Variants in MOB3A observed in about 807,000 individuals in gnomAD.
MOB3A encodes the protein MOB kinase activator 3A, also known as MOB LAK.
Under a neutral mutation model 17.8 loss-of-function variants are expected in MOB3A, and 17 were observed. The observed-to-expected ratio is 0.95, with a 90% CI of 0.65 to 1.43. The LOEUF is 1.43. Ranked by LOEUF, MOB3A falls within the 40% of genes most tolerant of loss-of-function variation. The pLI is 0.00. For missense variants in MOB3A, 333 were observed against 310.8 expected, an observed-to-expected ratio of 1.07 and a Z score of -0.54; for synonymous variants, 124 against 133.2, an observed-to-expected ratio of 0.93 and a Z score of 0.48.
At chr19:2,092,072 G>A (rs2017619738) in intron 1 of MOB3A, among the ~76,000 whole-genome samples, 1 of 148,618 alleles carries the variant, frequency 6.7e-6, no homozygotes, top group Admixed American at 6.7e-5. Context: ...TATTGTGTCT[G>A]GAAGGAAAGG....
chr19:2,081,338 G>A lies in MOB3A; in HGVS notation c.-119-2659C>T, dbSNP rs528200388. 2.1e-3 allele frequency among the ~76,000 whole-genome samples: 322 copies of A among 150,858 alleles called. 1 individual carries two copies. Among genetic ancestry groups the A allele is most frequent in the Non-Finnish European group, 3.2e-3 (216 of 67,640 alleles). ...CGTGGTGGCTCACGCCTGTAATCCC[G>A]GCACTTTGGGAGGCCGAGGCGGGTG... is the stretch of plus-strand genomic sequence containing the variant. On this transcript the variant is annotated intron_variant, in intron 2 of 4. Transcript: ENST00000357066.
At chr19:2,092,397 G>A (rs974235009) in intron 1 of MOB3A, among the ~76,000 whole-genome samples, 4 of 152,138 alleles carry the variant, frequency 2.6e-5, no homozygotes, top group African/African-American at 7.2e-5. Flanking sequence ...CATAGCGCCC[G>A]ACCCTCTGTG....
chr19:2,081,623 C>T (rs1425935195), intron 2 of MOB3A, among the ~76,000 whole-genome samples: 2 of 151,952 alleles, frequency 1.3e-5, no homozygotes, highest in Admixed American at 6.6e-5. Flanking sequence ...CGGTGGCCCA[C>T]GCCTGTAATC....
intron 1 of MOB3A, among the ~76,000 whole-genome samples, chr19:2,089,224 G>T (rs953504654): frequency 6.6e-6 from 1 of 152,178 alleles, no homozygotes; most frequent in Admixed American, 6.5e-5. Context: ...TCATTTCCTG[G>T]CTGGCGGGAG....
At position 2,078,338 on chromosome 19, in the gene MOB3A, T is replaced by C. The variant is rs1379855650; in HGVS notation, c.223A>G (p.Ile75Val). Residue 75 changes from isoleucine to valine, a missense_variant, in exon 3 of 5, where the codon ATC becomes GTC. By Grantham distance (29) the Ile-to-Val change is conservative. Coordinates refer to ENST00000357066, the MANE Select transcript of MOB3A (RefSeq NM_130807.3). ...CAGCCGTCGCTGATGGTGCCGTAGA[T>C]GAGGTTGACGCGGTTAAAGAAGTCC... ...VVDFFNRVNLIYGTISDGCTE... is the reference protein window; with the variant it reads ...VVDFFNRVNLVYGTISDGCTE... The C allele has an allele frequency of 2.5e-6, 4 of 1,612,276 alleles. No individual in the cohort carries two copies. Among genetic ancestry groups the C allele is most frequent in the Non-Finnish European group, 3.4e-6 (4 of 1,178,944 alleles).
At position 2,073,221 on chromosome 19, in the gene MOB3A, C is replaced by A. The variant is rs141791372; in HGVS notation, c.*174G>T. 1.3e-5 allele frequency: 9 copies of A among 709,054 alleles called. No individual in the cohort carries two copies. Among genetic ancestry groups the A allele is most frequent in the African/African-American group, 1.1e-4 (6 of 56,846 alleles). The allele number at this position is 709,054 out of a possible 1,614,324, so 43.9% of individuals were successfully genotyped here. A position where few individuals can be genotyped will look rare whatever the true frequency, so the allele number is the denominator to read the frequency against. On this transcript the variant is annotated 3_prime_UTR_variant, in exon 5 of 5. Coordinates refer to ENST00000357066, the MANE Select transcript of MOB3A (RefSeq NM_130807.3). ...GACTGAGGCTCGAGACTGAGGAAGG[C>A]ATCTGCCGTCCGGGGTTGGAGCTCC...
At position 2,078,458 on chromosome 19, in the gene MOB3A, C is replaced by T; in HGVS notation, c.103G>A (p.Ala35Thr). ...AGCCCGGCGTTCAGCGACGCCTGCGCCTTCTTGTGCAGCTCGAAGCGCTGG... is the reference window on the plus strand; with the variant it reads ...AGCCCGGCGTTCAGCGACGCCTGCGTCTTCTTGTGCAGCTCGAAGCGCTGG... Reference protein sequence around the residue: ...GTQRFELHKKAQASLNAGLDL... With the variant: ...GTQRFELHKKTQASLNAGLDL... Residue 35 changes from alanine (A) to threonine (T), a missense_variant, in exon 3 of 5, where the codon GCG becomes ACG. Physicochemically the swap from Ala to Thr is moderately conservative, Grantham distance 58 (BLOSUM62 0). Transcript: ENST00000357066. 6.2e-7 allele frequency: 1 copy of T among 1,612,838 alleles called. No homozygotes were observed. The highest frequency in any genetic ancestry group is 8.5e-7 in the Non-Finnish European group (1 of 1,179,086).
At chr19:2,088,010 T>A (rs2017572780) in intron 1 of MOB3A, among the ~76,000 whole-genome samples, 2 of 152,140 alleles carry the variant, frequency 1.3e-5, no homozygotes, top group Non-Finnish European at 2.9e-5. Context: ...TCTCGCCTCC[T>A]CGTGGCCACT....
rs373826686 is a variant in MOB3A at position 2,076,889 on chromosome 19, G to A, written c.546C>T (p.His182=). 27 of 1,613,958 alleles carry A rather than the reference G, an allele frequency of 1.7e-5. No homozygotes were observed. In the African/African-American group the frequency reaches 3.2e-4, roughly 19 times the overall value. Residue 182 remains histidine (H), a synonymous_variant, in exon 4 of 5, where the codon CAC becomes CAT. Coordinates refer to ENST00000357066, the MANE Select transcript of MOB3A (RefSeq NM_130807.3). ...DRIAQMGSEA[H]VNTCYKHFYY... Reference sequence around the variant, plus strand: ...AGAAGTGCTTGTAGCAGGTGTTCACGTGGGCCTCGGAGCCCATCTGCGCGA... The same window carrying A: ...AGAAGTGCTTGTAGCAGGTGTTCACATGGGCCTCGGAGCCCATCTGCGCGA...
chr19:2,092,753 CAAAAAAAAA>C (rs745800527), intron 1 of MOB3A, among the ~76,000 whole-genome samples: 2 of 48,234 alleles, frequency 4.1e-5, no homozygotes, highest in East Asian at 1.1e-3. Context: ...AACTCCATCT[CAAAAAAAAA>C]AAAAAAAAAA....
chr19:2,078,861 C>A (rs1568252794), intron 2 of MOB3A, 182 bp from the exon 3 acceptor site: 1 of 325,864 alleles, frequency 3.1e-6, no homozygotes, highest in Non-Finnish European at 5.6e-6. Flanking sequence ...CAGGCCCAAG[C>A]GATCCTCTCA....
chr19:2,073,570 T>C, intron 4 of MOB3A, 146 bp from the exon 5 acceptor site: 3 of 1,007,440 alleles, frequency 3.0e-6, no homozygotes, highest in Non-Finnish European at 4.6e-6. Flanking sequence ...ACACAGGCAA[T>C]GGCACACCTG....
rs2017448824 is a variant in MOB3A, at chr19:2,078,632, C to T, written c.-72G>A. On this transcript the variant is annotated 5_prime_UTR_variant, in exon 3 of 5. Coordinates refer to ENST00000357066, the MANE Select transcript of MOB3A (RefSeq NM_130807.3). ...CAGCTGGCTGGGGGTGCTGACCAAC[C>T]CGAGAGGCCACGAAACACTCACCAA... The T allele has an allele frequency of 6.9e-7, 1 of 1,455,328 alleles. No homozygotes were observed. The highest frequency in any genetic ancestry group is 9.2e-7 in the Non-Finnish European group (1 of 1,085,822). The allele number at this position is 1,455,328 out of a possible 1,614,324, so 90.2% of individuals were successfully genotyped here. A position where few individuals can be genotyped will look rare whatever the true frequency, so the allele number is the denominator to read the frequency against.
chr19:2,073,261 T>TG lies in MOB3A; in HGVS notation c.*133dup. The TG allele has an allele frequency of 8.8e-7, 1 of 1,139,856 alleles. No homozygotes were observed. Among genetic ancestry groups the TG allele is most frequent in the Non-Finnish European group, 1.3e-6 (1 of 775,920 alleles). 70.6% of individuals were successfully genotyped at this position (1,139,856 alleles called of 1,614,324 possible). A position where few individuals can be genotyped will look rare whatever the true frequency, so the allele number is the denominator to read the frequency against. On this transcript the variant is annotated 3_prime_UTR_variant, in exon 5 of 5. Coordinates refer to ENST00000357066, the MANE Select transcript of MOB3A (RefSeq NM_130807.3). The stretch of plus-strand genomic sequence containing the variant: ...GTTGGAGCTCCTGAGGACCAACACC[T>TG]GCTCAGCGGCTCGGCCCCTGGTCTC...
intron 2 of MOB3A, among the ~76,000 whole-genome samples, chr19:2,079,892 C>T (rs995207141): frequency 1.3e-5 from 2 of 152,248 alleles, no homozygotes; most frequent in African/African-American, 4.8e-5. Context: ...CACGCCTGAG[C>T]GGTGACTTGT....
intron 1 of MOB3A, among the ~76,000 whole-genome samples, chr19:2,089,392 A>G (rs1220553114): frequency 1.3e-5 from 2 of 152,140 alleles, no homozygotes; most frequent in Non-Finnish European, 2.9e-5. Context: ...CACTGTGGAC[A>G]TCGGCGTGGG....
In MOB3A at chr19:2,077,102, G is replaced by T. The variant is rs565871026; in HGVS notation, c.422-89C>A. On this transcript the variant is annotated intron_variant, in intron 3 of 4. Coordinates refer to ENST00000357066, the MANE Select transcript of MOB3A (RefSeq NM_130807.3). ...TCCTGGATGTGACAAGGGGCTTCCA[G>T]ACAGAAATTGCTGGCAGATCGGGCG... 4.9e-6 allele frequency: 6 copies of T among 1,217,936 alleles called. No homozygotes were observed. In the South Asian group the frequency reaches 6.5e-5, roughly 13 times the overall value. The allele number at this position is 1,217,936 out of a possible 1,614,324, so 75.4% of individuals were successfully genotyped here.
chr19:2,092,888 C>A (rs1226443926), intron 1 of MOB3A, among the ~76,000 whole-genome samples: 6 of 152,116 alleles, frequency 3.9e-5, no homozygotes, highest in Non-Finnish European at 1.5e-5. Context: ...TGGACCACAG[C>A]CACCCACTGT....
In MOB3A at chr19:2,076,907, C is replaced by G; in HGVS notation, c.528G>C (p.Gln176His). 6.2e-7 allele frequency: 1 copy of G among 1,614,088 alleles called. No homozygotes were observed. Among genetic ancestry groups the G allele is most frequent in the Non-Finnish European group, 8.5e-7 (1 of 1,180,042 alleles). Residue 176 changes from glutamine to histidine, a missense_variant, in exon 4 of 5, where the codon CAG becomes CAC. Transcript: ENST00000357066. ...VYIHHFDRIA[Q>H]MGSEAHVNTC... ...TGTTCACGTGGGCCTCGGAGCCCAT[C>G]TGCGCGATGCGGTCAAAGTGGTGGA...
Sources: allele counts gnomAD v4.1 joint callset (sites outside exome capture counted in the v4.1 genomes callset), GRCh38; gene constraint gnomAD v4.1.1; transcripts MANE v1.5; gene names NCBI Gene and HGNC (gene_info 2026-07-23, HGNC 2026-07-21).